The following DPYD variants were observed in gnomAD, a reference collection of about 807,000 sequenced individuals.
DPYD encodes dihydropyrimidine dehydrogenase, also known as dihydropyrimidine dehydrogenase [NADP(+)].
In DPYD, 109 loss-of-function variants were observed where a neutral mutation model predicts 116.2. The ratio of observed to expected loss-of-function variants is 0.94; its 90% confidence interval spans 0.80 to 1.10. The LOEUF is 1.10. Among genes scored for constraint, DPYD ranks in the 50% least tolerant of loss-of-function variants. DPYD has a pLI of 0.00. For synonymous variants in DPYD, 440 were observed against 432.0 expected (o/e 1.02, Z -0.23); for missense variants, 1,302 against 1,254.5 (o/e 1.04, Z -0.57).
intron 4 of DPYD, among the ~76,000 whole-genome samples, chr1:97,724,174 T>G (rs1663077234): frequency 6.6e-6 from 1 of 151,750 alleles, no homozygotes; most frequent in African/African-American, 2.4e-5. Flanking sequence ...AACCCACAGT[T>G]AACATCTCAC....
At position 97,431,411 on chromosome 1, in the gene DPYD, C is replaced by T. The variant is rs146282036; in HGVS notation, c.1905+18648G>A. Among the ~76,000 whole-genome samples, 584 of 152,206 alleles carry T rather than the reference C, an allele frequency of 3.8e-3. 1 individual carries two copies. Among genetic ancestry groups the T allele is most frequent in the African/African-American group, 0.012 (514 of 41,546 alleles). On this transcript the variant is annotated intron_variant, in intron 14 of 22. Transcript: ENST00000370192. ...AAGGAAGGCCACTGGGAGATGGTAC[C>T]AAGCGAGTTGATGATTTCTGCTCCA...
chr1:97,580,401 G>T (rs923778995), intron 10 of DPYD, among the ~76,000 whole-genome samples: 1 of 152,152 alleles, frequency 6.6e-6, no homozygotes, highest in Non-Finnish European at 1.5e-5. Flanking sequence ...TAAATTATTG[G>T]ATGTACCAGA....
At chr1:97,639,424 A>G (rs1657754013) in intron 8 of DPYD, among the ~76,000 whole-genome samples, 1 of 151,858 alleles carries the variant, frequency 6.6e-6, no homozygotes, top group East Asian at 1.9e-4. Flanking sequence ...TACTCTATTC[A>G]CTATTAACTG....
At chr1:97,119,081 A>T (rs141206938) in intron 20 of DPYD, among the ~76,000 whole-genome samples, 70 of 152,308 alleles carry the variant, frequency 4.6e-4, no homozygotes, top group Non-Finnish European at 8.2e-4. Flanking sequence ...TTCATTAGAA[A>T]GCATACTAAG....
rs1415167677 is a variant in DPYD at position 97,206,652 on chromosome 1, AT to A, written c.2443-13405del. 2.3e-4 allele frequency among the ~76,000 whole-genome samples: 16 copies of A among 68,466 alleles called. 1 individual carries two copies. Among genetic ancestry groups the A allele is most frequent in the Admixed American group, 2.1e-3 (15 of 7,122 alleles). The allele number at this position is 68,466 out of a possible 152,430, so 44.9% of individuals were successfully genotyped here. A position where few individuals can be genotyped will look rare whatever the true frequency, so the allele number is the denominator to read the frequency against. On this transcript the variant is annotated intron_variant, in intron 19 of 22. Transcript: ENST00000370192. ...ACAGGGAGATTTTATATATATATAT[AT>A]ATATATATATATATATATATATATA...
intron 13 of DPYD, among the ~76,000 whole-genome samples, chr1:97,456,463 T>A (rs1676691973): frequency 1.3e-5 from 2 of 152,192 alleles, no homozygotes. Flanking sequence ...TCAGTTCATA[T>A]GATAGAATAT....
chr1:97,511,753 C>A (rs1647818123), intron 13 of DPYD, among the ~76,000 whole-genome samples: 1 of 151,888 alleles, frequency 6.6e-6, no homozygotes, highest in Non-Finnish European at 1.5e-5. Context: ...GGTTACATTT[C>A]TTCTCTCAGG....
chr1:97,289,155 A>C (rs1246694432), intron 18 of DPYD, among the ~76,000 whole-genome samples: 4 of 152,224 alleles, frequency 2.6e-5, no homozygotes, highest in Admixed American at 6.5e-5. Flanking sequence ...TGAATCTCTG[A>C]ATAGAGCAAT....
At chr1:97,260,274 CTT>C (rs958976300) in intron 18 of DPYD, among the ~76,000 whole-genome samples, 5 of 152,056 alleles carry the variant, frequency 3.3e-5, no homozygotes, top group Non-Finnish European at 5.9e-5. Flanking sequence ...AGAATACTCT[CTT>C]ATATAATTAT....
chr1:97,776,249 T>C (rs770178304), intron 3 of DPYD, among the ~76,000 whole-genome samples: 12 of 152,156 alleles, frequency 7.9e-5, no homozygotes, highest in Non-Finnish European at 1.2e-4. Context: ...TTATTTAATG[T>C]TTTTAGATTC....
chr1:97,236,650 T>TAC lies in DPYD; in HGVS notation c.2300-1658_2300-1657dup, dbSNP rs61477464. On this transcript the variant is annotated intron_variant, in intron 18 of 22. Transcript: ENST00000370192. ...TGGTGGATGCATGTTGTTATACATTTACACACACACACACAAAACACACTT... is the reference window on the plus strand; with the variant it reads ...TGGTGGATGCATGTTGTTATACATTTACACACACACACACACAAAACACACTT... 9.2e-3 allele frequency among the ~76,000 whole-genome samples: 1,399 copies of TAC among 151,690 alleles called. 14 individuals are homozygous for TAC. Among genetic ancestry groups the TAC allele is most frequent in the African/African-American group, 0.031 (1,300 of 41,406 alleles).
intron 8 of DPYD, among the ~76,000 whole-genome samples, chr1:97,625,278 C>T (rs1379081514): frequency 6.6e-6 from 1 of 151,830 alleles, no homozygotes; most frequent in Non-Finnish European, 1.5e-5. Flanking sequence ...AAGAAAAGAA[C>T]TATTGAGAAA....
At chr1:97,701,458 G>C (rs529689814) in intron 5 of DPYD, among the ~76,000 whole-genome samples, 79 of 151,698 alleles carry the variant, frequency 5.2e-4, no homozygotes, top group African/African-American at 1.7e-3. Flanking sequence ...CCATATTATA[G>C]GTAAGTTATT....
rs183405424 is a variant in DPYD at position 97,141,300 on chromosome 1, T to C, written c.2623-42668A>G. 2.9e-3 allele frequency among the ~76,000 whole-genome samples: 434 copies of C among 152,254 alleles called. 4 individuals are homozygous for C. Among genetic ancestry groups the C allele is most frequent in the African/African-American group, 0.01 (419 of 41,564 alleles). On this transcript the variant is annotated intron_variant, in intron 20 of 22. Coordinates refer to ENST00000370192, the MANE Select transcript of DPYD (RefSeq NM_000110.4). The stretch of plus-strand genomic sequence containing the variant: ...ATTAGAAGGGAACTAAGTTAGAGCA[T>C]GAGCATGGCCACTATTCCTCTACTC...
rs369684278 is a variant in DPYD at position 97,081,052 on chromosome 1, C to T, written c.2907+1278G>A. Among the ~76,000 whole-genome samples the T allele has an allele frequency of 6.6e-5, 10 of 151,726 alleles. No homozygotes were observed. The East Asian group carries it at 7.7e-4, about 12-fold the overall frequency. On this transcript the variant is annotated intron_variant, in intron 22 of 22. Transcript: ENST00000370192. The stretch of plus-strand genomic sequence containing the variant: ...TATGGCTAGCACTTTATAAAAATAA[C>T]GGTTAAGACAGCTTTTAGCTAGAAA...
Position 97,742,065 on chromosome 1 carries a change from A to G in DPYD, c.234-1586T>C, listed in dbSNP as rs550268168. Among the ~76,000 whole-genome samples, 3 of 152,200 alleles carry G rather than the reference A, an allele frequency of 2.0e-5. No individual in the cohort carries two copies. The South Asian group carries it at 6.2e-4, about 32-fold the overall frequency. On this transcript the variant is annotated intron_variant, in intron 3 of 22. Coordinates refer to ENST00000370192, the MANE Select transcript of DPYD (RefSeq NM_000110.4). ...TGAATTTGGTCTAGCATAAAGTGAGAGTGGGAGTAGAAAGAAATGAATGTG... is the reference window on the plus strand; with the variant it reads ...TGAATTTGGTCTAGCATAAAGTGAGGGTGGGAGTAGAAAGAAATGAATGTG...
intron 15 of DPYD, 125 bp downstream of exon 15, chr1:97,382,268 T>G (rs2101563839): frequency 1.9e-6 from 1 of 520,328 alleles, no homozygotes. Flanking sequence ...AATAGAAATG[T>G]TTTAAGTTAC....
At position 97,461,819 on chromosome 1, in the gene DPYD, A is replaced by G. The variant is rs1677049846; in HGVS notation, c.1741-11596T>C. ...CTTAGCCTTAACAAACAATTACTGG[A>G]TCTCACATTCAACTGAATACAAAAA... On this transcript the variant is annotated intron_variant, in intron 13 of 22. Coordinates refer to ENST00000370192, the MANE Select transcript of DPYD (RefSeq NM_000110.4). Among the ~76,000 whole-genome samples the G allele has an allele frequency of 2.0e-5, 3 of 152,332 alleles. No homozygotes were observed. In the South Asian group the frequency reaches 6.2e-4, roughly 32 times the overall value.
intron 14 of DPYD, among the ~76,000 whole-genome samples, chr1:97,432,560 A>T (rs1675243289): frequency 6.6e-6 from 1 of 151,432 alleles, no homozygotes; most frequent in Non-Finnish European, 1.5e-5. Flanking sequence ...TCTCTATCTG[A>T]TAATTCCAAT....
Sources: allele counts gnomAD v4.1 joint callset (sites outside exome capture counted in the v4.1 genomes callset), GRCh38; gene constraint gnomAD v4.1.1; transcripts MANE v1.5; gene names NCBI Gene and HGNC (gene_info 2026-07-23, HGNC 2026-07-21).